The following PIK3C3 variants were observed in gnomAD, a reference collection of about 807,000 sequenced individuals.
PIK3C3 encodes the protein phosphatidylinositol 3-kinase catalytic subunit type 3.
PIK3C3 carries 95 observed loss-of-function variants against 126.1 expected under a neutral mutation model. The observed-to-expected ratio is 0.75, with a 90% CI of 0.64 to 0.89. The LOEUF is 0.89. Ranked by LOEUF, PIK3C3 falls within the 40% of genes least tolerant of loss-of-function variation. PIK3C3 has a pLI of 0.00. For missense variants in PIK3C3, 829 were observed against 1,063.2 expected (o/e 0.78, Z 3.06); for synonymous variants, 374 against 360.0 (o/e 1.04, Z -0.44).
At chr18:42,065,717 T>C (rs537536228) in intron 23 of PIK3C3, among the ~76,000 whole-genome samples, 4 of 152,324 alleles carry the variant, frequency 2.6e-5, no homozygotes, top group Admixed American at 1.3e-4. Context: ...GGGGATTTTT[T>C]TTTAGTTCAT....
chr18:41,955,564 C>T (rs1001899815), intron 1 of PIK3C3: 1 of 508,554 alleles, frequency 2.0e-6, no homozygotes, highest in Non-Finnish European at 3.5e-6. Context: ...ACGTGGTCTC[C>T]GTGAGAAGCA....
intron 21 of PIK3C3, among the ~76,000 whole-genome samples, chr18:42,054,162 A>G (rs1402703354): frequency 2.1e-5 from 1 of 46,656 alleles, no homozygotes; most frequent in Non-Finnish European, 4.3e-5. Flanking sequence ...ATATATATAT[A>G]TATATATATA....
In PIK3C3 at chr18:42,043,443, T is replaced by C. The variant is rs140858406; in HGVS notation, c.2104-290T>C. 5.3e-4 allele frequency among the ~76,000 whole-genome samples: 80 copies of C among 152,254 alleles called. 1 individual carries two copies. The highest frequency in any genetic ancestry group is 1.8e-3 in the African/African-American group (76 of 41,544). The stretch of plus-strand genomic sequence containing the variant: ...TTAATCGTATTTTCAGATAATATGC[T>C]CTGTGGTTTTGTTTGTTTGTTTGTT... On this transcript the variant is annotated intron_variant, in intron 19 of 24. Transcript: ENST00000262039.
At chr18:42,031,304 A>G (rs201476794) in intron 15 of PIK3C3, among the ~76,000 whole-genome samples, 1 of 152,174 alleles carries the variant, frequency 6.6e-6, no homozygotes, top group East Asian at 1.9e-4. Flanking sequence ...TTAAGTGTCA[A>G]ATGAGTAAAG....
rs752593016 is a variant in PIK3C3 at position 42,004,486 on chromosome 18, C to T, written c.1115C>T (p.Thr372Ile). The change falls in exon 10 of 25, where the codon ACC becomes ATC. Residue 372 changes from threonine to isoleucine, a missense_variant. Physicochemically the swap from Thr to Ile is moderately conservative, Grantham distance 89. Around this residue, in one of 4 missense-constraint regions of PIK3C3, gnomAD observed 64 missense variants for 118.7 expected, o/e 0.54. Coordinates refer to ENST00000262039, the MANE Select transcript of PIK3C3 (RefSeq NM_002647.4). ...TTGGAGCTGTTATCCTCTCATTACA[C>T]CAACCCAACTGTGAGGCGTTATGCT... ...DSLELLSSHYTNPTVRRYAVA... is the reference protein window; with the variant it reads ...DSLELLSSHYINPTVRRYAVA... The T allele has an allele frequency of 6.2e-7, 1 of 1,611,380 alleles. No homozygotes were observed. The highest frequency in any genetic ancestry group is 2.2e-5 in the East Asian group (1 of 44,858).
Position 41,970,476 on chromosome 18 carries a change from A to G in PIK3C3, c.531+20A>G, listed in dbSNP as rs763982352. 1 of 1,610,800 alleles carries G rather than the reference A, an allele frequency of 6.2e-7. No individual in the cohort carries two copies. The highest frequency in any genetic ancestry group is 1.7e-5 in the Admixed American group (1 of 60,006). ...GCCAAGGTAAAAAAAGTCATTTGGA[A>G]CAGGTGCAAAGCTCTGACTGATGTC... On this transcript the variant is annotated intron_variant, in intron 4 of 24. Coordinates refer to ENST00000262039, the MANE Select transcript of PIK3C3 (RefSeq NM_002647.4).
At chr18:42,055,182 G>T (rs1356880913) in intron 21 of PIK3C3, among the ~76,000 whole-genome samples, 6 of 152,084 alleles carry the variant, frequency 3.9e-5, no homozygotes, top group Admixed American at 2.6e-4. Flanking sequence ...TCTTCTGTTA[G>T]TTCCCTTGAA....
intron 19 of PIK3C3, among the ~76,000 whole-genome samples, chr18:42,041,517 G>T (rs1356318093): frequency 6.8e-6 from 1 of 146,562 alleles, no homozygotes; most frequent in African/African-American, 2.5e-5. Context: ...TAAATACATG[G>T]ATTAGTTCTT....
intron 20 of PIK3C3, among the ~76,000 whole-genome samples, chr18:42,047,504 T>G (rs1162287872): frequency 6.6e-6 from 1 of 152,182 alleles, no homozygotes; most frequent in Non-Finnish European, 1.5e-5. Flanking sequence ...GCATGTATTG[T>G]GGCAGTTTTA....
intron 4 of PIK3C3, among the ~76,000 whole-genome samples, chr18:41,978,583 C>T (rs1339677552): frequency 6.6e-6 from 1 of 152,060 alleles, no homozygotes; most frequent in Non-Finnish European, 1.5e-5. Context: ...CTAAATATAA[C>T]AATATTTTAA....
intron 10 of PIK3C3, among the ~76,000 whole-genome samples, chr18:42,005,709 G>A (rs927620777): frequency 2.6e-5 from 4 of 152,108 alleles, no homozygotes; most frequent in Admixed American, 2.6e-4. Flanking sequence ...GGGACAGTGA[G>A]ATCATTTTGA....
At chr18:41,995,861 C>A in intron 7 of PIK3C3, 29 bp from the exon 8 acceptor site, 1 of 1,477,168 alleles carries the variant, frequency 6.8e-7, no homozygotes, top group Non-Finnish European at 9.5e-7. Flanking sequence ...GTGAAGTTTA[C>A]ATTGTCAATA....
intron 24 of PIK3C3, among the ~76,000 whole-genome samples, chr18:42,079,802 A>G (rs896692363): frequency 1.3e-5 from 2 of 152,048 alleles, no homozygotes; most frequent in African/African-American, 4.8e-5. Context: ...TTTGGCTTTT[A>G]CCTGCACTTT....
At chr18:41,957,520 A>G (rs1453496236) in intron 1 of PIK3C3, 50 bp from the exon 2 acceptor site, 2 of 1,563,986 alleles carry the variant, frequency 1.3e-6, no homozygotes, top group Admixed American at 1.9e-5. Context: ...GTATATATGT[A>G]CATGCTTAAA....
intron 21 of PIK3C3, 158 bp downstream of exon 21, chr18:42,049,763 T>G: frequency 1.9e-6 from 1 of 533,554 alleles, no homozygotes; most frequent in East Asian, 3.4e-5. Context: ...CACCTGAGGT[T>G]GGGAGTTCGA....
chr18:42,055,137 A>G (rs1985005831), intron 21 of PIK3C3, among the ~76,000 whole-genome samples: 1 of 152,050 alleles, frequency 6.6e-6, no homozygotes. Flanking sequence ...TTCTTCATGA[A>G]TGGCCTGGTA....
chr18:42,013,445 T>C lies in PIK3C3; in HGVS notation c.1174T>C (p.Leu392=), dbSNP rs780821026. 1.3e-6 allele frequency: 2 copies of C among 1,493,332 alleles called. No individual in the cohort carries two copies. Among genetic ancestry groups the C allele is most frequent in the Non-Finnish European group, 1.8e-6 (2 of 1,122,376 alleles). 92.5% of individuals were successfully genotyped at this position (1,493,332 alleles called of 1,614,324 possible). A position where few individuals can be genotyped will look rare whatever the true frequency, so the allele number is the denominator to read the frequency against. Residue 392 remains leucine (L), a synonymous_variant, in exon 11 of 25, where the codon TTG becomes CTG. Transcript: ENST00000262039. ...TTTACTTTTTTTTGTTTTCCAGGAT[T>C]TGTTGATGTACCTATTACAATTGGT... is the stretch of plus-strand genomic sequence containing the variant. The part of the protein sequence containing the change: ...ARLRQADDED[L]LMYLLQLVQA...
intron 10 of PIK3C3, among the ~76,000 whole-genome samples, chr18:42,007,035 T>C (rs1190637815): frequency 6.6e-6 from 1 of 152,024 alleles, no homozygotes; most frequent in African/African-American, 2.4e-5. Flanking sequence ...GGATACTTTT[T>C]TGAATTTCTT....
intron 24 of PIK3C3, 61 bp from the exon 25 acceptor site, chr18:42,081,062 G>A (rs1986230439): frequency 1.0e-6 from 1 of 989,628 alleles, no homozygotes; most frequent in East Asian, 2.6e-5. Context: ...ATAGACTATT[G>A]TTTATCTTTG....
Sources: allele counts gnomAD v4.1 joint callset (sites outside exome capture counted in the v4.1 genomes callset), GRCh38; gene constraint gnomAD v4.1.1; regional missense constraint gnomAD v4.1.1; transcripts MANE v1.5; gene names NCBI Gene and HGNC (gene_info 2026-07-23, HGNC 2026-07-21).